The following SEC24D variants were observed in gnomAD, a reference collection of about 807,000 sequenced individuals.
SEC24D encodes the protein protein transport protein Sec24D.
A neutral mutation model predicts 116.9 loss-of-function variants in SEC24D; 69 were observed. The observed-to-expected ratio is 0.59, with a 90% confidence interval of 0.49 to 0.72. The LOEUF (loss-of-function observed/expected upper bound fraction) is 0.72, where lower values mean the gene tolerates loss of function less well. SEC24D is among the 30% of genes least tolerant of loss of function. The pLI is 0.00. For missense variants in SEC24D, 1,131 were observed against 1,264.1 expected (o/e 0.89, Z 1.60); for synonymous variants, 405 against 442.8 (o/e 0.91, Z 1.07).
intron 3 of SEC24D, among the ~76,000 whole-genome samples, chr4:118,820,504 T>C (rs1262253244): frequency 2.0e-5 from 3 of 152,130 alleles, no homozygotes; most frequent in Non-Finnish European, 2.9e-5. Context: ...CATTACTTTA[T>C]TGAAAGTCAC....
intron 8 of SEC24D, among the ~76,000 whole-genome samples, chr4:118,779,462 T>C (rs1435066109): frequency 3.3e-5 from 5 of 152,164 alleles, no homozygotes; most frequent in Non-Finnish European, 7.4e-5. Context: ...CTGACTTGAA[T>C]GTGGTGGATA....
chr4:118,767,980 G>A (rs1424727915), intron 9 of SEC24D, among the ~76,000 whole-genome samples, 193 bp downstream of exon 9: 2 of 152,202 alleles, frequency 1.3e-5, no homozygotes, highest in Non-Finnish European at 2.9e-5. Flanking sequence ...TGGGGCTCAT[G>A]TAGTTACCTA....
chr4:118,765,360 C>G (rs1409535410), intron 9 of SEC24D, among the ~76,000 whole-genome samples: 1 of 152,136 alleles, frequency 6.6e-6, no homozygotes, highest in Non-Finnish European at 1.5e-5. Context: ...ATGTCTTCAC[C>G]CATGTGGAGT....
intron 18 of SEC24D, among the ~76,000 whole-genome samples, chr4:118,738,662 T>C (rs1560614833): frequency 6.6e-6 from 1 of 152,216 alleles, no homozygotes; most frequent in Non-Finnish European, 1.5e-5. Flanking sequence ...GGCCAATTTG[T>C]CATTTTTTGA....
intron 2 of SEC24D, 83 bp from the exon 3 acceptor site, chr4:118,824,832 T>G: frequency 2.4e-6 from 3 of 1,274,210 alleles, no homozygotes; most frequent in Non-Finnish European, 3.2e-6. Context: ...AAATGAGAAC[T>G]AGGTGGAGGA....
intron 8 of SEC24D, among the ~76,000 whole-genome samples, chr4:118,790,871 G>T (rs967507924): frequency 3.4e-5 from 5 of 147,898 alleles, no homozygotes; most frequent in African/African-American, 1.0e-4. Flanking sequence ...TTTTAAAATT[G>T]CAGTAATGAT....
chr4:118,797,640 G>T (rs1205694456), intron 8 of SEC24D, 43 bp downstream of exon 8: 3 of 1,433,814 alleles, frequency 2.1e-6, no homozygotes, highest in South Asian at 1.5e-5. Flanking sequence ...TGGTAATTTT[G>T]GAATTGATAA....
In SEC24D at chr4:118,763,898, G is replaced by GA. The variant is rs529497582; in HGVS notation, c.1296+903dup. On this transcript the variant is annotated intron_variant, in intron 10 of 22. Coordinates refer to ENST00000280551, the MANE Select transcript of SEC24D (RefSeq NM_014822.4). Reference sequence around the variant, plus strand: ...AATAGAGATATAGACCAAATTCCGTGAAAAAACAGAAGCTATAGTAAATAA... The same window carrying GA: ...AATAGAGATATAGACCAAATTCCGTGAAAAAAACAGAAGCTATAGTAAATAA... 6.0e-3 allele frequency among the ~76,000 whole-genome samples: 911 copies of GA among 152,194 alleles called. 7 individuals carry two copies. The highest frequency in any genetic ancestry group is 0.02 in the African/African-American group (845 of 41,548).
chr4:118,789,678 G>A (rs555696047), intron 8 of SEC24D, among the ~76,000 whole-genome samples: 16 of 152,284 alleles, frequency 1.1e-4, no homozygotes, highest in African/African-American at 2.9e-4. Flanking sequence ...TCTGCCTCCC[G>A]GGTTTAAGTG....
chr4:118,750,167 A>C (rs2110453952), intron 13 of SEC24D, among the ~76,000 whole-genome samples: 1 of 152,330 alleles, frequency 6.6e-6, no homozygotes, highest in African/African-American at 2.4e-5. Context: ...CTGATGGCTG[A>C]CTATACTGAT....
Position 118,819,530 on chromosome 4 carries a change from CA to C in SEC24D, c.249-2119del, listed in dbSNP as rs373794417. On this transcript the variant is annotated intron_variant, in intron 3 of 22. Coordinates refer to ENST00000280551, the MANE Select transcript of SEC24D (RefSeq NM_014822.4). The stretch of plus-strand genomic sequence containing the variant: ...TGGGCAACACAGGGAGACCCCGTCT[CA>C]AAAAAAAAAAAAAAAAAAAAAAAGT... Among the ~76,000 whole-genome samples, 476 of 60,912 alleles carry C rather than the reference CA, an allele frequency of 7.8e-3. 6 individuals carry two copies. The East Asian group carries it at 0.14, about 18-fold the overall frequency. The allele number at this position is 60,912 out of a possible 152,430, so 40.0% of individuals were successfully genotyped here. A position where few individuals can be genotyped will look rare whatever the true frequency, so the allele number is the denominator to read the frequency against.
intron 6 of SEC24D, 113 bp from the exon 7 acceptor site, chr4:118,806,067 T>A: frequency 3.0e-6 from 2 of 673,132 alleles, no homozygotes; most frequent in South Asian, 3.7e-5. Context: ...TTCTCAATAT[T>A]CACACACACA....
intron 8 of SEC24D, among the ~76,000 whole-genome samples, chr4:118,782,816 C>T (rs1052704328): frequency 6.6e-6 from 1 of 152,172 alleles, no homozygotes; most frequent in Non-Finnish European, 1.5e-5. Flanking sequence ...TGGGGTACAA[C>T]CCTCCCCCCT....
intron 7 of SEC24D, among the ~76,000 whole-genome samples, chr4:118,803,348 T>A (rs892668859): frequency 6.6e-6 from 1 of 152,188 alleles, no homozygotes; most frequent in East Asian, 1.9e-4. Context: ...TTACTTGACA[T>A]GTATTATGCT....
At chr4:118,742,307 A>G (rs1170249582) in intron 15 of SEC24D, among the ~76,000 whole-genome samples, 2 of 150,090 alleles carry the variant, frequency 1.3e-5, no homozygotes, top group Non-Finnish European at 3.0e-5. Flanking sequence ...CAAAGGACCT[A>G]GCAAGAACCC....
chr4:118,807,051 C>A (rs1729710067), intron 6 of SEC24D, among the ~76,000 whole-genome samples: 2 of 152,088 alleles, frequency 1.3e-5, no homozygotes, highest in Non-Finnish European at 2.9e-5. Context: ...TAAAAATTAT[C>A]TCAGAAGAAA....
rs1460519101 is a variant in SEC24D, at chr4:118,815,084, T to A, written c.745A>T (p.Met249Leu). Residue 249 changes from methionine to leucine, a missense_variant, in exon 6 of 23, where the codon ATG becomes TTG. By Grantham distance (15) the Met-to-Leu change is conservative (BLOSUM62 2). Transcript: ENST00000280551. Reference protein sequence around the residue: ...PGGFPGGPAQMAGPPQPQKKL... With the variant: ...PGGFPGGPAQLAGPPQPQKKL... Reference sequence around the variant, plus strand: ...TTCTGGGGCTGTGGCGGACCAGCCATCTGTGCAGGACCTCCAGGGAAGCCT... The same window carrying A: ...TTCTGGGGCTGTGGCGGACCAGCCAACTGTGCAGGACCTCCAGGGAAGCCT... The A allele has an allele frequency of 1.2e-6, 2 of 1,614,182 alleles. No individual in the cohort carries two copies. Among genetic ancestry groups the A allele is most frequent in the Admixed American group, 1.7e-5 (1 of 60,032 alleles).
At chr4:118,797,112 G>T (rs1191030845) in intron 8 of SEC24D, among the ~76,000 whole-genome samples, 1 of 152,152 alleles carries the variant, frequency 6.6e-6, no homozygotes, top group African/African-American at 2.4e-5. Flanking sequence ...ATACCCACTG[G>T]CAGCATCCTG....
intron 21 of SEC24D, chr4:118,729,197 C>T (rs1015490666): frequency 1.3e-5 from 2 of 152,102 alleles, no homozygotes; most frequent in African/African-American, 2.4e-5. Flanking sequence ...GCAATCCTCC[C>T]GCTTCAGCCT....
Sources: gnomAD v4.1 joint callset for allele counts (sites outside exome capture counted in the v4.1 genomes callset) on GRCh38, gnomAD v4.1.1 for gene constraint, MANE v1.5 for transcripts, NCBI Gene and HGNC (gene_info 2026-07-23, HGNC 2026-07-21) for gene names.